Variants in DIAPH2 observed in about 807,000 individuals in gnomAD.
DIAPH2 encodes the protein protein diaphanous homolog 2.
A neutral mutation model predicts 92.7 loss-of-function variants in DIAPH2; 35 were observed. That is an observed-to-expected ratio of 0.38 (90% CI 0.29 to 0.50). The LOEUF is 0.50. Among genes scored for constraint, DIAPH2 ranks in the 20% least tolerant of loss-of-function variants. The probability of loss-of-function intolerance (pLI) is 0.94; values close to 1 mark genes in which losing one functional copy is unlikely to be tolerated. For synonymous variants in DIAPH2, 301 were observed against 280.4 expected (o/e 1.07, Z -0.73); for missense variants, 701 against 819.5 (o/e 0.86, Z 1.77).
intron 26 of DIAPH2, among the ~76,000 whole-genome samples, chrX:97,443,152 C>T (rs1185492600): frequency 8.9e-6 from 1 of 111,788 alleles, no homozygotes; most frequent in East Asian, 2.8e-4. Context: ...TCCTTTGCCT[C>T]GGCCTCTCAG....
At chrX:96,989,123 G>T (rs2066051289) in intron 17 of DIAPH2, among the ~76,000 whole-genome samples, 1 of 111,353 alleles carries the variant, frequency 9.0e-6, no homozygotes, top group Non-Finnish European at 1.9e-5. Flanking sequence ...TCTCTATCCA[G>T]GAAATTTTAA....
chrX:96,888,853 G>T (rs1225518061), intron 5 of DIAPH2, among the ~76,000 whole-genome samples: 2 of 93,649 alleles, frequency 2.1e-5, no homozygotes, highest in Non-Finnish European at 4.1e-5. Context: ...CCCAGCAAGT[G>T]TCAGTGTTAA....
At chrX:97,215,526 C>T (rs1358717579) in intron 22 of DIAPH2, among the ~76,000 whole-genome samples, 2 of 111,935 alleles carry the variant, frequency 1.8e-5, no homozygotes, top group African/African-American at 6.5e-5. Flanking sequence ...TCAGCCATGT[C>T]ATTATTGAAG....
chrX:97,160,094 CG>C (rs766443150), intron 22 of DIAPH2, among the ~76,000 whole-genome samples: 434 of 22,317 alleles, frequency 0.019, no homozygotes, highest in Middle Eastern at 0.032. Context: ...TCATAAAAGA[CG>C]GGGGCGGGGC....
intron 5 of DIAPH2, among the ~76,000 whole-genome samples, chrX:96,894,516 G>C (rs2065329803): frequency 8.9e-6 from 1 of 111,787 alleles, no homozygotes; most frequent in South Asian, 3.7e-4. Flanking sequence ...CTTCGATATA[G>C]AGAATGCTTA....
At chrX:96,713,872 T>C (rs1025145650) in intron 1 of DIAPH2, among the ~76,000 whole-genome samples, 4 of 111,971 alleles carry the variant, frequency 3.6e-5, no homozygotes, top group African/African-American at 1.3e-4. Context: ...TACCACTGTT[T>C]ATCCGTTCAC....
intron 4 of DIAPH2, among the ~76,000 whole-genome samples, chrX:96,850,339 G>A (rs1157100583): frequency 8.9e-6 from 1 of 112,072 alleles, no homozygotes; most frequent in African/African-American, 3.2e-5. Context: ...TTACTATGTG[G>A]CAAACATTGT....
At chrX:97,106,168 T>C (rs750693683) in intron 20 of DIAPH2, among the ~76,000 whole-genome samples, 1 of 112,000 alleles carries the variant, frequency 8.9e-6, no homozygotes, top group African/African-American at 3.2e-5. Context: ...GCATATTCAG[T>C]GTGAAAATTG....
intron 17 of DIAPH2, among the ~76,000 whole-genome samples, chrX:97,054,278 C>A (rs1025841051): frequency 8.9e-6 from 1 of 111,950 alleles, no homozygotes; most frequent in African/African-American, 3.2e-5. Context: ...CAATATAGTT[C>A]TTTCACTGAA....
At chrX:96,936,988 G>A (rs1033750944) in intron 10 of DIAPH2, among the ~76,000 whole-genome samples, 1 of 111,519 alleles carries the variant, frequency 9.0e-6, no homozygotes, top group African/African-American at 3.3e-5. Flanking sequence ...AGAACTGATC[G>A]TTAATTTTTT....
chrX:96,897,807 G>T, intron 5 of DIAPH2, among the ~76,000 whole-genome samples: 1 of 95,580 alleles, frequency 1.0e-5, no homozygotes, highest in Non-Finnish European at 2.1e-5. Flanking sequence ...CATGTGCCAT[G>T]CTGGTGTGCT....
intron 17 of DIAPH2, among the ~76,000 whole-genome samples, chrX:97,064,370 C>T (rs764071697): frequency 1.8e-5 from 2 of 110,652 alleles, no homozygotes; most frequent in African/African-American, 6.6e-5. Context: ...CATATAGCTC[C>T]ACTCTACACA....
At chrX:96,913,839 TTACTC>T (rs1365079392) in intron 7 of DIAPH2, among the ~76,000 whole-genome samples, 1 of 110,848 alleles carries the variant, frequency 9.0e-6, no homozygotes, top group Non-Finnish European at 1.9e-5. Flanking sequence ...AAAATAGACT[TTACTC>T]AGGTTATGAA....
intron 5 of DIAPH2, among the ~76,000 whole-genome samples, chrX:96,895,867 A>G (rs912764914): frequency 1.8e-5 from 2 of 112,205 alleles, no homozygotes; most frequent in African/African-American, 6.5e-5. Context: ...TGGCTGACCA[A>G]TGTCTTTCAT....
chrX:97,253,749 CAAAAT>C (rs2068211177), intron 23 of DIAPH2, among the ~76,000 whole-genome samples: 1 of 108,052 alleles, frequency 9.3e-6, no homozygotes, highest in Non-Finnish European at 1.9e-5. Flanking sequence ...GACTCTGTCT[CAAAAT>C]GAATAAATAA....
chrX:97,537,848 C>A (rs533647725), intron 26 of DIAPH2, among the ~76,000 whole-genome samples: 3 of 110,355 alleles, frequency 2.7e-5, no homozygotes, highest in South Asian at 7.8e-4. Context: ...TCATAATAGA[C>A]CTTGTGCCAG....
Position 97,185,411 on chromosome X carries a change from GTA to G in DIAPH2, c.2719+43627_2719+43628del, listed in dbSNP as rs1404623784. Among the ~76,000 whole-genome samples, 213 of 26,590 alleles carry G rather than the reference GTA, an allele frequency of 8.0e-3. 12 individuals carry two copies. The highest frequency in any genetic ancestry group is 0.026 in the African/African-American group (112 of 4,382). The allele number at this position is 26,590 out of a possible 115,157, so 23.1% of individuals were successfully genotyped here. ...TATATATGTGTATATATATATATAT[GTA>G]TATATATATGTATATATATATGTGT... On this transcript the variant is annotated intron_variant, in intron 22 of 26. Coordinates refer to ENST00000324765, the MANE Select transcript of DIAPH2 (RefSeq NM_006729.5).
rs757949677 is a variant in DIAPH2 at position 97,602,666 on chromosome X, T to G, written c.*3349T>G. ...ACTATGGATTGGGCCTCTGCCTCTG[T>G]GCCTATGGGTTGCACTTCTTCCTCT... is the stretch of plus-strand genomic sequence containing the variant. On this transcript the variant is annotated 3_prime_UTR_variant, in exon 27 of 27. Transcript: ENST00000324765. 3.6e-5 allele frequency: 4 copies of G among 112,170 alleles called. No homozygotes were observed. Among genetic ancestry groups the G allele is most frequent in the Admixed American group, 2.8e-4 (3 of 10,613 alleles). 9.2% of individuals were successfully genotyped at this position (112,170 alleles called of 1,213,427 possible).
chrX:97,530,000 GA>G (rs1190205522), intron 26 of DIAPH2, among the ~76,000 whole-genome samples: 1 of 112,101 alleles, frequency 8.9e-6, no homozygotes, highest in Non-Finnish European at 1.9e-5. Context: ...CTCAAGCAAG[GA>G]AAACTACAGA....
Sources: gnomAD v4.1 joint callset for allele counts (sites outside exome capture counted in the v4.1 genomes callset) on GRCh38, gnomAD v4.1.1 for gene constraint, MANE v1.5 for transcripts, NCBI Gene and HGNC (gene_info 2026-07-23, HGNC 2026-07-21) for gene names.